Variants in IKBIP observed in about 807,000 individuals in gnomAD.
The protein encoded by IKBIP is inhibitor of nuclear factor kappa-B kinase-interacting protein.
In IKBIP, 28 loss-of-function variants were observed where a neutral mutation model predicts 31.0. The observed-to-expected ratio is 0.90, with a 90% CI of 0.67 to 1.24. IKBIP has a LOEUF of 1.24. IKBIP is among the 50% of genes most tolerant of loss of function. The pLI is 0.00. For missense variants in IKBIP, 453 were observed against 441.9 expected (o/e 1.03, Z -0.23); for synonymous variants, 164 against 160.3 (o/e 1.02, Z -0.17).
chr12:98,633,761 C>A (rs2153299557), intron 2 of IKBIP, among the ~76,000 whole-genome samples: 1 of 152,206 alleles, frequency 6.6e-6, no homozygotes, highest in Middle Eastern at 3.4e-3. Flanking sequence ...AAGTGATTTG[C>A]CTGGCTCAGC....
chr12:98,630,905 C>G (rs1258199519), intron 2 of IKBIP, among the ~76,000 whole-genome samples: 1 of 150,468 alleles, frequency 6.6e-6, no homozygotes, highest in East Asian at 2.0e-4. Flanking sequence ...GAAAAAGCTA[C>G]GAAAAGACTG....
At chr12:98,613,871 T>A (rs1405415630) in exon 3 of IKBIP, 1 of 1,613,120 alleles carries the variant, frequency 6.2e-7, no homozygotes, top group Non-Finnish European at 8.5e-7. Context: ...TCTATCTGTA[T>A]GTTTGTCGAA....
intron 1 of IKBIP, among the ~76,000 whole-genome samples, chr12:98,638,969 T>C (rs1418508406): frequency 6.6e-6 from 1 of 152,202 alleles, no homozygotes; most frequent in East Asian, 1.9e-4. Flanking sequence ...ACATTAGTTA[T>C]TGCTATTTAT....
Position 98,625,926 on chromosome 12 carries a change from G to T in IKBIP, c.*4C>A. Reference sequence around the variant, plus strand: ...TATGGTTCATCAGAATAAATGTCATGAATTTAAAAATCACCACCAATTCCT... The same window carrying T: ...TATGGTTCATCAGAATAAATGTCATTAATTTAAAAATCACCACCAATTCCT... On this transcript the variant is annotated 3_prime_UTR_variant, in exon 3 of 3. Transcript: ENST00000299157. The T allele has an allele frequency of 2.9e-6, 4 of 1,398,684 alleles. No homozygotes were observed. In the South Asian group the frequency reaches 5.2e-5, roughly 18 times the overall value. 86.6% of individuals were successfully genotyped at this position (1,398,684 alleles called of 1,614,324 possible).
In IKBIP at chr12:98,626,544, T is replaced by G. The variant is rs770976628; in HGVS notation, c.520A>C (p.Lys174Gln). ...EEMNINTDIF[K>Q]SEAKHIHSQV... ...GAATGTATATGTTTTGCTTCTGATT[T>G]GAAAATGTCTGTATTAATGTTCATT... Residue 174 changes from lysine to glutamine, a missense_variant, in exon 3 of 3, where the codon AAA (lysine) becomes CAA (glutamine). Transcript: ENST00000299157. The G allele has an allele frequency of 1.2e-6, 2 of 1,613,032 alleles. No individual in the cohort carries two copies. Among genetic ancestry groups the G allele is most frequent in the East Asian group, 4.5e-5 (2 of 44,866 alleles).
chr12:98,626,855 T>C, intron 2 of IKBIP, 89 bp from the exon 3 acceptor site: 4 of 988,854 alleles, frequency 4.0e-6, no homozygotes, highest in Non-Finnish European at 6.0e-6. Flanking sequence ...GCATAACACA[T>C]GCCACGTTAA....
intron 2 of IKBIP, among the ~76,000 whole-genome samples, chr12:98,630,521 T>C (rs2097619155): frequency 6.6e-6 from 1 of 151,086 alleles, no homozygotes; most frequent in African/African-American, 2.4e-5. Context: ...TAAGTGGAAC[T>C]ATTCAGAGCA....
At chr12:98,627,845 A>T (rs1592993920) in intron 2 of IKBIP, among the ~76,000 whole-genome samples, 4 of 152,300 alleles carry the variant, frequency 2.6e-5, no homozygotes, top group East Asian at 3.9e-4. Context: ...CTGCCAAAAA[A>T]TTTTTTTGAC....
intron 1 of IKBIP, among the ~76,000 whole-genome samples, chr12:98,641,052 C>T (rs996209204): frequency 1.3e-5 from 2 of 152,234 alleles, no homozygotes; most frequent in East Asian, 3.8e-4. Context: ...GGAGCCACCA[C>T]ACCTGGCCTA....
chr12:98,633,447 A>G (rs1045540626), intron 2 of IKBIP, among the ~76,000 whole-genome samples: 2 of 151,144 alleles, frequency 1.3e-5, no homozygotes, highest in Admixed American at 6.6e-5. Flanking sequence ...TTTTCATTGG[A>G]ATTCTTATTT....
chr12:98,643,817 CTTTTT>C (rs1163038325), intron 1 of IKBIP, among the ~76,000 whole-genome samples: 4 of 136,928 alleles, frequency 2.9e-5, no homozygotes, highest in African/African-American at 8.2e-5. Flanking sequence ...ATATGGTTTT[CTTTTT>C]TTTTTTTTTT....
intron 2 of IKBIP, among the ~76,000 whole-genome samples, chr12:98,632,680 G>C (rs960721188): frequency 1.4e-5 from 2 of 140,506 alleles, no homozygotes; most frequent in African/African-American, 5.3e-5. Flanking sequence ...GGAGTGCAGT[G>C]GTATGATCTC....
chr12:98,617,606 T>C (rs2097606988), intron 2 of IKBIP, among the ~76,000 whole-genome samples: 1 of 150,870 alleles, frequency 6.6e-6, no homozygotes, highest in Admixed American at 6.6e-5. Context: ...GTAGATCTCA[T>C]AAACCACACA....
Position 98,625,835 on chromosome 12 carries a change from G to A in IKBIP, c.*95C>T. 2 of 1,029,218 alleles carry A rather than the reference G, an allele frequency of 1.9e-6. No homozygotes were observed. The highest frequency in any genetic ancestry group is 2.6e-6 in the Non-Finnish European group (2 of 768,318). 63.8% of individuals were successfully genotyped at this position (1,029,218 alleles called of 1,614,324 possible). A position where few individuals can be genotyped will look rare whatever the true frequency, so the allele number is the denominator to read the frequency against. On this transcript the variant is annotated 3_prime_UTR_variant, in exon 3 of 3. Coordinates refer to ENST00000299157, the MANE Select transcript of IKBIP (RefSeq NM_153687.4). ...GACATCTCATTTATTTTCCAATAATGTAGGATAAGATGAGGCGTATCAAAG... is the reference window on the plus strand; with the variant it reads ...GACATCTCATTTATTTTCCAATAATATAGGATAAGATGAGGCGTATCAAAG...
At chr12:98,616,637 T>C (rs992047000) in intron 2 of IKBIP, among the ~76,000 whole-genome samples, 4 of 152,244 alleles carry the variant, frequency 2.6e-5, no homozygotes, top group African/African-American at 4.8e-5. Context: ...TTTAAGTCTT[T>C]AATTCATTTT....
chr12:98,634,154 G>A (rs1242837466), intron 2 of IKBIP, 142 bp downstream of exon 2: 1 of 536,286 alleles, frequency 1.9e-6, no homozygotes, highest in Non-Finnish European at 3.3e-6. Flanking sequence ...GAGGGAGAAT[G>A]TCAAGAGGTA....
intron 2 of IKBIP, among the ~76,000 whole-genome samples, chr12:98,629,382 A>AAACG (rs1015145612): frequency 6.6e-6 from 1 of 151,428 alleles, no homozygotes; most frequent in Non-Finnish European, 1.5e-5. Context: ...TCTATCAAAC[A>AAACG]AACAAACAAA....
At chr12:98,623,101 C>T (rs1592990452), downstream of IKBIP, among the ~76,000 whole-genome samples, 1 of 150,870 alleles carries the variant, frequency 6.6e-6, no homozygotes, top group Non-Finnish European at 1.5e-5. Flanking sequence ...GCCTCAGCCT[C>T]CCGAGTAGCT....
intron 2 of IKBIP, among the ~76,000 whole-genome samples, chr12:98,630,008 A>C (rs770920564): frequency 6.6e-6 from 1 of 152,130 alleles, no homozygotes; most frequent in Admixed American, 6.5e-5. Flanking sequence ...GCCAGGCTCA[A>C]GTGATGCTCC....
Sources: gnomAD v4.1 joint callset for allele counts (sites outside exome capture counted in the v4.1 genomes callset) on GRCh38, gnomAD v4.1.1 for gene constraint, MANE v1.5 for transcripts, NCBI Gene and HGNC (gene_info 2026-07-23, HGNC 2026-07-21) for gene names.